IL1RAPL2: variants seen among roughly 807,000 people sequenced by gnomAD.
The protein encoded by IL1RAPL2 is X-linked interleukin-1 receptor accessory protein-like 2.
A neutral mutation model predicts 44.1 loss-of-function variants in IL1RAPL2; 3 were observed. The observed-to-expected ratio is 0.07, with a 90% CI of 0.03 to 0.18. IL1RAPL2 has a LOEUF of 0.18. IL1RAPL2 is among the 10% of genes least tolerant of loss of function. The pLI, the probability that IL1RAPL2 is intolerant of heterozygous loss-of-function variation, is 1.00. For synonymous variants in IL1RAPL2, 181 were observed against 178.8 expected (o/e 1.01, Z -0.10); for missense variants, 391 against 496.4 (o/e 0.79, Z 2.02).
chrX:104,987,477 A>G (rs1413475713), intron 2 of IL1RAPL2, among the ~76,000 whole-genome samples: 4 of 111,209 alleles, frequency 3.6e-5, no homozygotes, highest in Non-Finnish European at 7.5e-5. Context: ...TAAAACAATA[A>G]AAACCATTCT....
At chrX:105,469,827 T>C (rs1248422600) in intron 5 of IL1RAPL2, among the ~76,000 whole-genome samples, 1 of 111,272 alleles carries the variant, frequency 9.0e-6, no homozygotes, top group East Asian at 2.8e-4. Flanking sequence ...TAATAGTATA[T>C]ACCCCATACA....
At chrX:105,709,599 G>A (rs1326139059) in intron 6 of IL1RAPL2, among the ~76,000 whole-genome samples, 1 of 111,239 alleles carries the variant, frequency 9.0e-6, no homozygotes, top group African/African-American at 3.3e-5. Context: ...TTAGAGGAAT[G>A]GGCTTGTCAA....
chrX:104,767,536 G>A (rs775305720), intron 2 of IL1RAPL2, among the ~76,000 whole-genome samples: 13 of 111,474 alleles, frequency 1.2e-4, no homozygotes, highest in African/African-American at 3.3e-4. Context: ...CCAAACATCT[G>A]CTTGCAATGA....
intron 5 of IL1RAPL2, among the ~76,000 whole-genome samples, chrX:105,372,450 A>G (rs373055243): frequency 5.0e-4 from 54 of 107,374 alleles, no homozygotes; most frequent in African/African-American, 1.7e-3. Flanking sequence ...AAAAAAAAAA[A>G]GTCTTTTAAT....
At chrX:104,858,469 A>AAAAC (rs1297358297) in intron 2 of IL1RAPL2, among the ~76,000 whole-genome samples, 1 of 112,064 alleles carries the variant, frequency 8.9e-6, no homozygotes, top group African/African-American at 3.2e-5. Flanking sequence ...ACCAAAGTTA[A>AAAAC]AAACAAACAA....
chrX:105,076,106 G>C (rs1203472423), intron 2 of IL1RAPL2, among the ~76,000 whole-genome samples: 2 of 111,109 alleles, frequency 1.8e-5, no homozygotes, highest in Non-Finnish European at 3.8e-5. Context: ...GTTTGCTCTT[G>C]CTTCTCTAGT....
chrX:105,398,954 C>T (rs1243275390), intron 5 of IL1RAPL2, among the ~76,000 whole-genome samples: 1 of 111,645 alleles, frequency 9.0e-6, no homozygotes, highest in Admixed American at 9.5e-5. Flanking sequence ...AACATTTTGT[C>T]CTCTACAACC....
chrX:105,222,717 G>A (rs782719610), intron 3 of IL1RAPL2, among the ~76,000 whole-genome samples: 1 of 112,150 alleles, frequency 8.9e-6, no homozygotes, highest in Admixed American at 9.4e-5. Flanking sequence ...GGGATGTCAG[G>A]GACAAGGATG....
chrX:105,195,080 G>C (rs1345086440), intron 2 of IL1RAPL2, among the ~76,000 whole-genome samples: 1 of 110,303 alleles, frequency 9.1e-6, no homozygotes, highest in African/African-American at 3.3e-5. Flanking sequence ...CAGTATGTCA[G>C]CAGCATCATT....
At chrX:105,455,311 A>C (rs766035381) in intron 5 of IL1RAPL2, among the ~76,000 whole-genome samples, 1 of 112,087 alleles carries the variant, frequency 8.9e-6, no homozygotes, top group Non-Finnish European at 1.9e-5. Context: ...TTTGTGCAGA[A>C]GCTCTCTAAT....
chrX:104,931,947 A>AGT (rs34524314), intron 2 of IL1RAPL2, among the ~76,000 whole-genome samples: 2,210 of 88,911 alleles, frequency 0.025, 22 homozygotes, highest in African/African-American at 0.038. Flanking sequence ...GGAAACTATG[A>AGT]GTGTGTGTGT....
chrX:105,072,605 T>C (rs1293930305), intron 2 of IL1RAPL2, among the ~76,000 whole-genome samples: 1 of 111,119 alleles, frequency 9.0e-6, no homozygotes, highest in Non-Finnish European at 1.9e-5. Flanking sequence ...AGGAACTTAT[T>C]GGGAATTGGA....
chrX:104,675,198 C>G (rs1442174362), intron 2 of IL1RAPL2, among the ~76,000 whole-genome samples: 5 of 110,588 alleles, frequency 4.5e-5, no homozygotes, highest in Non-Finnish European at 9.5e-5. Flanking sequence ...GTTAGGGTGT[C>G]AATTTTGGAT....
chrX:104,816,335 T>C (rs1405728494), intron 2 of IL1RAPL2, among the ~76,000 whole-genome samples: 1 of 112,037 alleles, frequency 8.9e-6, no homozygotes, highest in Non-Finnish European at 1.9e-5. Context: ...AAGGTTTCTA[T>C]TTCTATTATT....
intron 5 of IL1RAPL2, among the ~76,000 whole-genome samples, chrX:105,457,705 G>T: frequency 9.3e-6 from 1 of 107,199 alleles, no homozygotes; most frequent in South Asian, 3.9e-4. Flanking sequence ...AAAACATTTT[G>T]GCTTTACATT....
At chrX:104,613,280 G>A (rs1217005802) in intron 1 of IL1RAPL2, among the ~76,000 whole-genome samples, 1 of 111,502 alleles carries the variant, frequency 9.0e-6, no homozygotes, top group African/African-American at 3.3e-5. Context: ...TGTCCTTTCA[G>A]TATAATGTTG....
intron 2 of IL1RAPL2, among the ~76,000 whole-genome samples, chrX:105,115,421 C>T (rs187679944): frequency 5.5e-4 from 61 of 111,363 alleles, no homozygotes; most frequent in African/African-American, 2.0e-3. Context: ...TACAGAGAGC[C>T]GATTGGTCCA....
intron 2 of IL1RAPL2, among the ~76,000 whole-genome samples, chrX:104,903,433 G>A (rs1448225068): frequency 9.2e-6 from 1 of 108,353 alleles, no homozygotes; most frequent in Non-Finnish European, 1.9e-5. Flanking sequence ...ATCTAGAAAT[G>A]TAAACACCAT....
intron 7 of IL1RAPL2, among the ~76,000 whole-genome samples, chrX:105,737,918 A>G (rs2038463463): frequency 1.8e-5 from 2 of 112,083 alleles, no homozygotes; most frequent in South Asian, 7.3e-4. Context: ...AAAAATAAAA[A>G]CAATTTATAG....
Sources: gnomAD v4.1 joint callset for allele counts (sites outside exome capture counted in the v4.1 genomes callset) on GRCh38, gnomAD v4.1.1 for gene constraint, MANE v1.5 for transcripts, NCBI Gene and HGNC (gene_info 2026-07-23, HGNC 2026-07-21) for gene names.